Variants in SYN2 observed in about 807,000 individuals in gnomAD.
SYN2 encodes the protein synapsin II.
SYN2 carries 19 observed loss-of-function variants against 50.9 expected under a neutral mutation model. The observed-to-expected ratio is 0.37, with a 90% CI of 0.26 to 0.55. The LOEUF is 0.55. Ranked by LOEUF, SYN2 falls within the 20% of genes least tolerant of loss-of-function variation. SYN2 has a pLI of 0.81. For synonymous variants in SYN2, 255 were observed against 224.9 expected, an observed-to-expected ratio of 1.13 and a Z score of -1.20; for missense variants, 587 against 576.4, an observed-to-expected ratio of 1.02 and a Z score of -0.19.
intron 1 of SYN2, among the ~76,000 whole-genome samples, chr3:12,109,598 A>G (rs1696271730): frequency 6.6e-6 from 1 of 152,152 alleles, no homozygotes; most frequent in Non-Finnish European, 1.5e-5. Context: ...TTCTCTTTTC[A>G]TCTTTCCTTC....
At chr3:12,018,176 A>G (rs1008820323) in intron 1 of SYN2, among the ~76,000 whole-genome samples, 1 of 152,222 alleles carries the variant, frequency 6.6e-6, no homozygotes, top group African/African-American at 2.4e-5. Context: ...CCTGGAAAAG[A>G]GAATGTTCTA....
chr3:12,154,484 AG>A, intron 5 of SYN2: 1 of 1,609,744 alleles, frequency 6.2e-7, no homozygotes, highest in Admixed American at 1.7e-5. Context: ...GTCAAGCATC[AG>A]GATTCTTCTC....
rs187466281 is a variant in SYN2 at position 12,079,561 on chromosome 3, A to G, written c.378-61090A>G. Reference sequence around the variant, plus strand: ...CTTTTCTGCATCTATTGAGATAATCATGTGGTTTTTGTCTTTAGTTCTGTT... The same window carrying G: ...CTTTTCTGCATCTATTGAGATAATCGTGTGGTTTTTGTCTTTAGTTCTGTT... On this transcript the variant is annotated intron_variant, in intron 1 of 12. Transcript: ENST00000621198. 2.4e-3 allele frequency among the ~76,000 whole-genome samples: 367 copies of G among 152,310 alleles called. 1 individual carries two copies. The highest frequency in any genetic ancestry group is 8.3e-3 in the African/African-American group (344 of 41,566).
intron 9 of SYN2, among the ~76,000 whole-genome samples, chr3:12,169,265 G>A (rs1286520799): frequency 2.6e-5 from 4 of 152,184 alleles, no homozygotes; most frequent in African/African-American, 7.2e-5. Flanking sequence ...ATCAGGATTG[G>A]TGGTAAAAAG....
chr3:12,035,540 T>A (rs1021726489), intron 1 of SYN2, among the ~76,000 whole-genome samples: 3 of 152,138 alleles, frequency 2.0e-5, no homozygotes, highest in Non-Finnish European at 4.4e-5. Flanking sequence ...ATGGCTTACA[T>A]GTAAGGGTTT....
intron 1 of SYN2, among the ~76,000 whole-genome samples, chr3:12,097,905 A>G (rs1695976176): frequency 6.6e-6 from 1 of 152,188 alleles, no homozygotes. Flanking sequence ...CCTAATGTAA[A>G]TGACCCATGT....
chr3:12,016,966 T>C (rs1459020938), intron 1 of SYN2, among the ~76,000 whole-genome samples: 1 of 152,170 alleles, frequency 6.6e-6, no homozygotes, highest in Non-Finnish European at 1.5e-5. Context: ...TGTTTGACTA[T>C]ATAAAGAACT....
At chr3:12,175,633 T>C (rs553773087) in intron 10 of SYN2, among the ~76,000 whole-genome samples, 2 of 152,354 alleles carry the variant, frequency 1.3e-5, no homozygotes, top group East Asian at 3.9e-4. Flanking sequence ...TCTCTATCGT[T>C]GTCCTTAGCT....
chr3:12,029,464 G>C (rs1197828714), intron 1 of SYN2, among the ~76,000 whole-genome samples: 1 of 125,732 alleles, frequency 8.0e-6, no homozygotes, highest in Non-Finnish European at 1.5e-5. Flanking sequence ...AAATTACCTT[G>C]GGCAGTATGG....
At chr3:12,076,399 T>C (rs1695468483) in intron 1 of SYN2, among the ~76,000 whole-genome samples, 1 of 152,062 alleles carries the variant, frequency 6.6e-6, no homozygotes, top group East Asian at 1.9e-4. Flanking sequence ...ATTTCTTTTC[T>C]CAGGCTGTGT....
intron 1 of SYN2, among the ~76,000 whole-genome samples, chr3:12,096,660 A>G (rs148763004): frequency 2.0e-5 from 3 of 152,244 alleles, no homozygotes; most frequent in African/African-American, 4.8e-5. Flanking sequence ...TAAAGGAAAT[A>G]TGAGAATGAT....
intron 1 of SYN2, among the ~76,000 whole-genome samples, chr3:12,067,112 A>G (rs930314894): frequency 1.4e-4 from 21 of 152,118 alleles, no homozygotes; most frequent in Admixed American, 2.6e-4. Flanking sequence ...ACATGTGGGG[A>G]TTATGGGAAC....
At chr3:12,020,337 C>G (rs1441105644) in intron 1 of SYN2, among the ~76,000 whole-genome samples, 7 of 142,598 alleles carry the variant, frequency 4.9e-5, no homozygotes, top group African/African-American at 1.8e-4. Context: ...CCCTGGCCCC[C>G]CACATAATTA....
intron 1 of SYN2, among the ~76,000 whole-genome samples, chr3:12,112,367 A>C (rs1424740955): frequency 6.6e-6 from 1 of 152,124 alleles, no homozygotes; most frequent in Non-Finnish European, 1.5e-5. Context: ...GCCCCTGTCA[A>C]ATGAACGGTG....
chr3:12,118,184 A>T (rs1696476684), intron 1 of SYN2, among the ~76,000 whole-genome samples: 1 of 152,222 alleles, frequency 6.6e-6, no homozygotes, highest in Non-Finnish European at 1.5e-5. Flanking sequence ...AAATGGGGAT[A>T]ATCATTTTGA....
intron 1 of SYN2, among the ~76,000 whole-genome samples, chr3:12,075,238 C>T (rs2125170734): frequency 6.6e-6 from 1 of 152,190 alleles, no homozygotes; most frequent in Middle Eastern, 3.4e-3. Flanking sequence ...ATTTTTAGCC[C>T]AGTGGCTTCC....
rs552772392 is a variant in SYN2, at chr3:12,178,722, A to G, written c.1309-4590A>G. ...CTTTGGATTGATATTTATTTTTTAA[A>G]TAGTAGTAGGATGCTCACTTACATT... is the stretch of plus-strand genomic sequence containing the variant. On this transcript the variant is annotated intron_variant, in intron 10 of 12. Transcript: ENST00000621198. Among the ~76,000 whole-genome samples the G allele has an allele frequency of 5.3e-5, 8 of 152,358 alleles. No individual in the cohort carries two copies. In the South Asian group the frequency reaches 1.7e-3, roughly 32 times the overall value.
At chr3:12,122,488 G>T (rs1389793157) in intron 1 of SYN2, among the ~76,000 whole-genome samples, 1 of 152,148 alleles carries the variant, frequency 6.6e-6, no homozygotes, top group Non-Finnish European at 1.5e-5. Flanking sequence ...AAAAGGAGAT[G>T]ATAATTTGAG....
At chr3:12,070,786 G>A (rs1357119598) in intron 1 of SYN2, 2 of 636,672 alleles carry the variant, frequency 3.1e-6, no homozygotes, top group East Asian at 4.3e-5. Flanking sequence ...GGCTGGTGGG[G>A]ACCTGACTGA....
Sources: allele counts gnomAD v4.1 joint callset (sites outside exome capture counted in the v4.1 genomes callset), GRCh38; gene constraint gnomAD v4.1.1; transcripts MANE v1.5; gene names NCBI Gene and HGNC (gene_info 2026-07-23, HGNC 2026-07-21).